NBAS: variants seen among roughly 807,000 people sequenced by gnomAD.
The protein encoded by NBAS is NBAS subunit of NRZ tethering complex.
NBAS carries 219 observed loss-of-function variants against 302.5 expected under a neutral mutation model. The ratio of observed to expected loss-of-function variants is 0.72; its 90% confidence interval spans 0.65 to 0.81. The LOEUF (loss-of-function observed/expected upper bound fraction) is 0.81. NBAS is among the 30% of genes least tolerant of loss of function. The pLI is 0.00. For missense variants in NBAS, 2,932 were observed against 2,841.6 expected, an observed-to-expected ratio of 1.03 and a Z score of -0.72; for synonymous variants, 1,118 against 1,021.6, an observed-to-expected ratio of 1.09 and a Z score of -1.80.
In NBAS at chr2:15,359,981, C is replaced by T. The variant is rs530779595; in HGVS notation, c.3818-3565G>A. Among the ~76,000 whole-genome samples the T allele has an allele frequency of 1.8e-4, 27 of 152,254 alleles. 1 individual carries two copies. The highest frequency in any genetic ancestry group is 5.8e-4 in the African/African-American group (24 of 41,558). ...CCTAGGCTATATATATGGTATAGCT[C>T]CTAGGCTACAAACCTGTACAGTATA... is the stretch of plus-strand genomic sequence containing the variant. On this transcript the variant is annotated intron_variant, in intron 32 of 51. Transcript: ENST00000281513.
chr2:15,430,300 T>C (rs1677698029), intron 21 of NBAS, among the ~76,000 whole-genome samples: 1 of 152,128 alleles, frequency 6.6e-6, no homozygotes, highest in South Asian at 2.1e-4. Context: ...GATTTTCACA[T>C]TTGCTGCATT....
At chr2:15,178,106 C>CATAT (rs1558411872) in intron 51 of NBAS, 1 of 470,124 alleles carries the variant, frequency 2.1e-6, no homozygotes, top group East Asian at 7.0e-5. Context: ...GAGTAGCAAG[C>CATAT]ATATACCTCT....
the NBAS span, among the ~76,000 whole-genome samples, chr2:15,098,432 A>G: frequency 5.0e-4 from 45 of 89,130 alleles, 4 homozygotes; most frequent in Non-Finnish European, 7.9e-4. Context: ...ATTATATATT[A>G]TATATTGTAT....
At chr2:15,134,271 C>T in the NBAS span, among the ~76,000 whole-genome samples, 9 of 152,120 alleles carry the variant, frequency 5.9e-5, 2 homozygotes, top group Admixed American at 4.6e-4. Context: ...TTCTGCCCTG[C>T]GAGGAAACAA....
chr2:15,102,500 A>C, the NBAS span, among the ~76,000 whole-genome samples: 1 of 152,200 alleles, frequency 6.6e-6, no homozygotes, highest in Admixed American at 6.5e-5. Context: ...TCTACCTGAC[A>C]ATGTAGTTAC....
At chr2:15,389,651 G>C (rs1256574929) in intron 28 of NBAS, among the ~76,000 whole-genome samples, 2 of 152,140 alleles carry the variant, frequency 1.3e-5, no homozygotes, top group African/African-American at 2.4e-5. Context: ...AAAAGATTAA[G>C]CAAAAGGAAA....
At chr2:15,426,347 T>C (rs1009757889) in intron 22 of NBAS, among the ~76,000 whole-genome samples, 2 of 152,184 alleles carry the variant, frequency 1.3e-5, no homozygotes, top group African/African-American at 4.8e-5. Flanking sequence ...TGTAATGTAA[T>C]AGGCATTTCT....
At chr2:14,967,052 G>A in the NBAS span, among the ~76,000 whole-genome samples, 1 of 152,072 alleles carries the variant, frequency 6.6e-6, no homozygotes, top group Non-Finnish European at 1.5e-5. Context: ...ATTATTAATA[G>A]CGTAGAAATT....
At chr2:15,316,246 C>T (rs970349854) in intron 38 of NBAS, among the ~76,000 whole-genome samples, 2 of 152,142 alleles carry the variant, frequency 1.3e-5, no homozygotes, top group South Asian at 2.1e-4. Flanking sequence ...GCTTAACTCT[C>T]CCCCCGTTCC....
chr2:15,291,926 A>C (rs561689532), intron 41 of NBAS, among the ~76,000 whole-genome samples: 2 of 152,330 alleles, frequency 1.3e-5, no homozygotes, highest in African/African-American at 4.8e-5. Context: ...AACTACAGGA[A>C]ACTTTAAAAA....
At chr2:14,844,472 C>T in the NBAS span, among the ~76,000 whole-genome samples, 1 of 152,172 alleles carries the variant, frequency 6.6e-6, no homozygotes, top group Admixed American at 6.5e-5. Flanking sequence ...CAGCACATTC[C>T]CAGCTATGGT....
chr2:15,099,312 A>C, the NBAS span, among the ~76,000 whole-genome samples: 2,148 of 151,808 alleles, frequency 0.014, 38 homozygotes, highest in African/African-American at 0.044. Context: ...GCCGACCCCC[A>C]AAAAAAAGTT....
At chr2:15,098,578 GTATTATATATTATATA>G in the NBAS span, among the ~76,000 whole-genome samples, 460 of 64,152 alleles carry the variant, frequency 7.2e-3, 6 homozygotes, top group African/African-American at 0.034. Flanking sequence ...TGTATATAAT[GTATTATATATTATATA>G]TATTATATAT....
At chr2:15,121,788 C>T in the NBAS span, among the ~76,000 whole-genome samples, 2 of 151,816 alleles carry the variant, frequency 1.3e-5, no homozygotes, top group African/African-American at 2.4e-5. Flanking sequence ...CCTACCCACA[C>T]TAAATGTTGT....
intron 44 of NBAS, among the ~76,000 whole-genome samples, chr2:15,269,940 T>A (rs1034014373): frequency 5.3e-5 from 8 of 152,202 alleles, no homozygotes; most frequent in Non-Finnish European, 1.0e-4. Flanking sequence ...CAACCTCTTA[T>A]CTGTGTAAGG....
At chr2:15,275,425 G>C in intron 44 of NBAS, 59 bp downstream of exon 44, 4 of 1,495,428 alleles carry the variant, frequency 2.7e-6, no homozygotes, top group Non-Finnish European at 3.7e-6. Flanking sequence ...ACAGAATGTA[G>C]GAGAAATTTT....
At chr2:15,165,214 A>G (rs981810040), downstream of NBAS, among the ~76,000 whole-genome samples, 1 of 152,266 alleles carries the variant, frequency 6.6e-6, no homozygotes, top group Non-Finnish European at 1.5e-5. Flanking sequence ...CAGAAAACCC[A>G]TTACTAGTAA....
At chr2:14,949,810 C>T in the NBAS span, among the ~76,000 whole-genome samples, 5 of 152,138 alleles carry the variant, frequency 3.3e-5, no homozygotes, top group Non-Finnish European at 1.5e-5. Flanking sequence ...GCAAATACCA[C>T]ATGTTCTCAC....
intron 25 of NBAS, among the ~76,000 whole-genome samples, chr2:15,410,845 T>C (rs1046080331): frequency 6.6e-6 from 1 of 152,214 alleles, no homozygotes; most frequent in Middle Eastern, 3.2e-3. Flanking sequence ...CATGGATTTC[T>C]AGCCAATATA....
Sources: gnomAD v4.1 joint callset for allele counts (sites outside exome capture counted in the v4.1 genomes callset) on GRCh38, gnomAD v4.1.1 for gene constraint, MANE v1.5 for transcripts, NCBI Gene and HGNC (gene_info 2026-07-23, HGNC 2026-07-21) for gene names.